Variants in PDE4D observed in about 807,000 individuals in gnomAD.
PDE4D encodes 3',5'-cyclic-AMP phosphodiesterase 4D.
A neutral mutation model predicts 87.4 loss-of-function variants in PDE4D; 24 were observed. That is an observed-to-expected ratio of 0.27 (90% confidence interval 0.20 to 0.39). PDE4D has a LOEUF of 0.39. PDE4D is among the 10% of genes least tolerant of loss of function. The probability of loss-of-function intolerance (pLI) is 1.00; values close to 1 mark genes in which losing one functional copy is unlikely to be tolerated. For missense variants in PDE4D, 714 were observed against 1,041.0 expected, an observed-to-expected ratio of 0.69 and a Z score of 4.32; for synonymous variants, 384 against 383.2, an observed-to-expected ratio of 1.00 and a Z score of -0.02.
intron 1 of PDE4D, among the ~76,000 whole-genome samples, chr5:59,778,952 G>A (rs1504984): frequency 0.17 from 26,540 of 152,074 alleles, 3,044 homozygotes; most frequent in South Asian, 0.26. Context: ...ATCACCTGAG[G>A]TCAGGAATTT....
intron 1 of PDE4D, among the ~76,000 whole-genome samples, chr5:59,851,425 G>GAGAT (rs1386869263): frequency 6.6e-6 from 1 of 152,008 alleles, no homozygotes; most frequent in Non-Finnish European, 1.5e-5. Flanking sequence ...TAAACTAACA[G>GAGAT]AGATTGATCT....
chr5:59,609,956 A>G (rs972691833), intron 1 of PDE4D, among the ~76,000 whole-genome samples: 14 of 152,204 alleles, frequency 9.2e-5, no homozygotes, highest in African/African-American at 3.4e-4. Flanking sequence ...GAGCTCCAGA[A>G]GCAGCACAGC....
intron 3 of PDE4D, among the ~76,000 whole-genome samples, chr5:59,940,594 AAT>A (rs1220042575): frequency 6.6e-6 from 1 of 152,168 alleles, no homozygotes; most frequent in Non-Finnish European, 1.5e-5. Context: ...CATTCACTGA[AAT>A]AGAGAACACT....
chr5:59,818,938 AG>A (rs149358974), intron 1 of PDE4D, among the ~76,000 whole-genome samples: 4,578 of 152,002 alleles, frequency 0.03, 109 homozygotes, highest in African/African-American at 0.053. Flanking sequence ...AGAGATAAAT[AG>A]GGGGGGAATT....
At chr5:59,426,268 G>A (rs371254840) in intron 1 of PDE4D, among the ~76,000 whole-genome samples, 11 of 152,122 alleles carry the variant, frequency 7.2e-5, no homozygotes, top group African/African-American at 1.4e-4. Context: ...TCTTATGACC[G>A]TCCTAACAAA....
chr5:59,521,308 C>T (rs1357057968), intron 1 of PDE4D, among the ~76,000 whole-genome samples: 2 of 151,980 alleles, frequency 1.3e-5, no homozygotes, highest in African/African-American at 2.4e-5. Context: ...GAGACTTGGC[C>T]CATCTTGCAT....
chr5:60,094,711 G>T (rs138856628), intron 2 of PDE4D, among the ~76,000 whole-genome samples: 1 of 145,272 alleles, frequency 6.9e-6, no homozygotes, highest in African/African-American at 2.5e-5. Context: ...AGGCCAAGAA[G>T]AAAGGCCAGG....
chr5:59,878,132 G>A (rs1003230080), intron 1 of PDE4D, among the ~76,000 whole-genome samples: 1 of 152,238 alleles, frequency 6.6e-6, no homozygotes, highest in African/African-American at 2.4e-5. Flanking sequence ...CCAAGAGGAA[G>A]TAGTTTGAAG....
intron 1 of PDE4D, among the ~76,000 whole-genome samples, chr5:60,407,781 G>A (rs752549859): frequency 9.9e-5 from 15 of 151,896 alleles, no homozygotes; most frequent in South Asian, 2.1e-4. Context: ...GGCAAAAACC[G>A]CAATTACTTT....
rs539529606 is a variant in PDE4D at position 60,355,281 on chromosome 5, C to G, written c.-90+132661G>C. 3.3e-5 allele frequency among the ~76,000 whole-genome samples: 5 copies of G among 152,288 alleles called. No individual in the cohort carries two copies. The South Asian group carries it at 1.0e-3, about 32-fold the overall frequency. On this transcript the variant is annotated intron_variant, in intron 1 of 16. Coordinates refer to the PDE4D transcript ENST00000502484. ...CTTTCCCTGCACTTTGCAAATGTAT[C>G]TTGTTGCACATTAGACTAGTACTCT...
intron 1 of PDE4D, among the ~76,000 whole-genome samples, chr5:59,411,195 T>C (rs1287999664): frequency 6.6e-6 from 1 of 152,154 alleles, no homozygotes; most frequent in Non-Finnish European, 1.5e-5. Flanking sequence ...ACAAAGGGAA[T>C]GGTTTGCTGG....
chr5:60,295,515 T>C (rs183886040), intron 1 of PDE4D, among the ~76,000 whole-genome samples: 2 of 152,336 alleles, frequency 1.3e-5, no homozygotes, highest in East Asian at 3.9e-4. Flanking sequence ...TTCCTACAGA[T>C]GACTCCTTGC....
chr5:59,260,738 A>G (rs1761854863), intron 1 of PDE4D, among the ~76,000 whole-genome samples: 1 of 151,802 alleles, frequency 6.6e-6, no homozygotes, highest in African/African-American at 2.4e-5. Context: ...AAAGCTTCAA[A>G]AAAGCTAATT....
At chr5:60,262,048 G>A (rs149773025) in intron 1 of PDE4D, among the ~76,000 whole-genome samples, 24 of 152,002 alleles carry the variant, frequency 1.6e-4, no homozygotes, top group African/African-American at 5.3e-4. Context: ...CTACCTCAGC[G>A]TAAGAAAGAA....
At chr5:58,999,862 T>C (rs1750119152) in intron 6 of PDE4D, 2 of 987,440 alleles carry the variant, frequency 2.0e-6, no homozygotes, top group Non-Finnish European at 2.4e-6. Flanking sequence ...CAGGGCTTAA[T>C]GAATAATGTA....
At chr5:59,035,006 G>A (rs1381815714) in intron 6 of PDE4D, among the ~76,000 whole-genome samples, 1 of 152,230 alleles carries the variant, frequency 6.6e-6, no homozygotes, top group Non-Finnish European at 1.5e-5. Flanking sequence ...GTCACAAGAG[G>A]ATAACGTTAC....
In PDE4D at chr5:60,117,866, T is replaced by C. The variant is rs116760922; in HGVS notation, c.42+67691A>G. ...CACCACAGAGAGACTGTTGAACCTT[T>C]GATGACTTCATTTCTTCATCTCTTA... On this transcript the variant is annotated intron_variant, in intron 2 of 16. Transcript: ENST00000502484. Among the ~76,000 whole-genome samples, 657 of 151,654 alleles carry C rather than the reference T, an allele frequency of 4.3e-3. 5 individuals are homozygous for C. The highest frequency in any genetic ancestry group is 0.015 in the African/African-American group (639 of 41,452).
At chr5:59,251,303 A>G (rs1224640641) in intron 1 of PDE4D, among the ~76,000 whole-genome samples, 3 of 152,222 alleles carry the variant, frequency 2.0e-5, no homozygotes, top group African/African-American at 7.2e-5. Flanking sequence ...AATATCCTGC[A>G]TCTATAAGGA....
At chr5:59,613,263 T>A (rs181385404) in intron 1 of PDE4D, among the ~76,000 whole-genome samples, 2 of 152,194 alleles carry the variant, frequency 1.3e-5, no homozygotes, top group African/African-American at 4.8e-5. Flanking sequence ...ACAACAAAGT[T>A]TGGTCTGAGA....
Sources: allele counts gnomAD v4.1 joint callset (sites outside exome capture counted in the v4.1 genomes callset), GRCh38; gene constraint gnomAD v4.1.1; transcripts MANE v1.5; gene names NCBI Gene and HGNC (gene_info 2026-07-23, HGNC 2026-07-21).